Variants in MLEC observed in about 807,000 individuals in gnomAD.
The protein encoded by MLEC is oligosaccharyltransferase complex subunit (non-catalytic).
MLEC carries 7 observed loss-of-function variants against 28.7 expected under a neutral mutation model. The observed-to-expected ratio is 0.24, with a 90% CI of 0.14 to 0.46. MLEC has a LOEUF of 0.46. Ranked by LOEUF, MLEC falls within the 20% of genes least tolerant of loss-of-function variation. The pLI is 0.99. For missense variants in MLEC, 237 were observed against 391.1 expected (o/e 0.61, Z 3.32); for synonymous variants, 142 against 164.4 (o/e 0.86, Z 1.04).
At position 120,696,441 on chromosome 12, in the gene MLEC, C is replaced by T. The variant is rs372407878; in HGVS notation, c.775C>T (p.Arg259Cys). ...TAAGAACCGGGTGCAGTCAGGCCCC[C>T]GCACACCCAACCCCTATGCCTCGGA... ...TNKNRVQSGPRTPNPYASDNS... is the reference protein window; with the variant it reads ...TNKNRVQSGPCTPNPYASDNS... Residue 259 changes from arginine (R) to cysteine (C), a missense_variant, in exon 5 of 5, where the codon CGC (arginine) becomes TGC (cysteine). By Grantham distance (180) the Arg-to-Cys change is radical. Transcript: ENST00000228506. This position sits in a 1 kb window ranked among gnomAD's most constrained non-coding sequence, Gnocchi z 5.4. 8 of 1,614,138 alleles carry T rather than the reference C, an allele frequency of 5.0e-6. No individual in the cohort carries two copies. Among genetic ancestry groups the T allele is most frequent in the Non-Finnish European group, 5.9e-6 (7 of 1,180,018 alleles).
intron 1 of MLEC, 103 bp from the exon 2 acceptor site, chr12:120,693,988 G>A (rs1311887831): frequency 1.8e-6 from 2 of 1,098,274 alleles, no homozygotes; most frequent in South Asian, 3.2e-5. Context: ...TTATGGAGAG[G>A]GTTATTAGCA....
chr12:120,692,958 C>T (rs1377730574), intron 1 of MLEC, among the ~76,000 whole-genome samples: 2 of 152,034 alleles, frequency 1.3e-5, no homozygotes, highest in South Asian at 2.1e-4. Flanking sequence ...CGGTGGCTCA[C>T]GCCTGTAATC....
chr12:120,694,392 AG>A lies in MLEC; in HGVS notation c.414+124del. 2 of 1,015,434 alleles carry A rather than the reference AG, an allele frequency of 2.0e-6. No homozygotes were observed. Among genetic ancestry groups the A allele is most frequent in the Non-Finnish European group, 2.9e-6 (2 of 699,034 alleles). 62.9% of individuals were successfully genotyped at this position (1,015,434 alleles called of 1,614,324 possible). Reference sequence around the variant, plus strand: ...AGGCAGAACAGATGAGCTCTAGAGAAGCATGTTCCATAGTGCACAAGGCTGC... The same window carrying A: ...AGGCAGAACAGATGAGCTCTAGAGAACATGTTCCATAGTGCACAAGGCTGC... On this transcript the variant is annotated intron_variant, in intron 2 of 4. Transcript: ENST00000228506. This position sits in a 1 kb window ranked among gnomAD's most constrained non-coding sequence, Gnocchi z 4.5.
Position 120,694,076 on chromosome 12 carries a change from G to T in MLEC, c.236-15G>T. 1 of 1,608,578 alleles carries T rather than the reference G, an allele frequency of 6.2e-7. No individual in the cohort carries two copies. The highest frequency in any genetic ancestry group is 8.5e-7 in the Non-Finnish European group (1 of 1,176,754). On this transcript the variant is annotated splice_polypyrimidine_tract_variant and intron_variant, in intron 1 of 4. Transcript: ENST00000228506. The surrounding 1 kb of genome is among the most constrained non-coding windows in gnomAD (Gnocchi z 4.5). ...CTTGCCTCTGATGTGCTTTCTCTTT[G>T]TCTTTTGTCCTCAGCCTCAGACTAT...
rs751499180 is a variant in MLEC at position 120,694,853 on chromosome 12, C to T, written c.444C>T (p.Val148=). Residue 148 remains valine, a synonymous_variant, in exon 3 of 5, where the codon GTC becomes GTT. Coordinates refer to ENST00000228506, the MANE Select transcript of MLEC (RefSeq NM_014730.4). The surrounding 1 kb of genome is among the most constrained non-coding windows in gnomAD (Gnocchi z 4.5). The part of the protein sequence containing the change: ...KVFDVRLNGH[V]VVKDLDIFDR... The stretch of plus-strand genomic sequence containing the variant: ...TTGATGTACGATTGAATGGCCACGT[C>T]GTGGTGAAGGACTTGGATATCTTTG... The T allele has an allele frequency of 4.1e-5, 66 of 1,613,436 alleles. 1 individual carries two copies. In the South Asian group the frequency reaches 6.6e-4, roughly 16 times the overall value.
In MLEC at chr12:120,701,031, C is replaced by T. The variant is rs1053524397; in HGVS notation, c.*4486C>T. 1 of 152,210 alleles carries T rather than the reference C, an allele frequency of 6.6e-6. No individual in the cohort carries two copies. The highest frequency in any genetic ancestry group is 2.4e-5 in the African/African-American group (1 of 41,434). The allele number at this position is 152,210 out of a possible 1,614,324, so 9.4% of individuals were successfully genotyped here. On this transcript the variant is annotated 3_prime_UTR_variant, in exon 5 of 5. Coordinates refer to ENST00000228506, the MANE Select transcript of MLEC (RefSeq NM_014730.4). The surrounding 1 kb of genome is among the most constrained non-coding windows in gnomAD (Gnocchi z 4.0). Reference sequence around the variant, plus strand: ...CAAGGAGCCAGGATTGTGCTGGCAGCCAAGGAAACAGTAGTGCCTGTTTGA... The same window carrying T: ...CAAGGAGCCAGGATTGTGCTGGCAGTCAAGGAAACAGTAGTGCCTGTTTGA...
At chr12:120,688,962 G>T (rs983404340) in intron 1 of MLEC, among the ~76,000 whole-genome samples, 3 of 152,224 alleles carry the variant, frequency 2.0e-5, no homozygotes, top group Non-Finnish European at 4.4e-5. Flanking sequence ...TCACGAGTGT[G>T]GGCAGGGAGG....
intron 1 of MLEC, among the ~76,000 whole-genome samples, chr12:120,688,644 T>G (rs1881919471): frequency 6.6e-6 from 1 of 152,266 alleles, no homozygotes; most frequent in African/African-American, 2.4e-5. Context: ...ATTCTTTTTC[T>G]GCGATGCCCA....
Position 120,694,790 on chromosome 12 carries a change from G to C in MLEC, c.415-34G>C. On this transcript the variant is annotated intron_variant, in intron 2 of 4. Transcript: ENST00000228506. The surrounding 1 kb of genome is among the most constrained non-coding windows in gnomAD (Gnocchi z 4.5). The stretch of plus-strand genomic sequence containing the variant: ...TGCTTGAAAGGATGTAAAGCTGATG[G>C]TTTTGACATTGTTTTCTTTTCTTAT... 3 of 1,582,106 alleles carry C rather than the reference G, an allele frequency of 1.9e-6. No individual in the cohort carries two copies. The highest frequency in any genetic ancestry group is 1.1e-5 in the South Asian group (1 of 86,996).
At position 120,697,400 on chromosome 12, in the gene MLEC, G is replaced by C. The variant is rs1882281744; in HGVS notation, c.*855G>C. Reference sequence around the variant, plus strand: ...TAAGTTATAGCCAAGAAGGGAAGGAGACACGGGGATTTGGGGTTCTCTGCT... The same window carrying C: ...TAAGTTATAGCCAAGAAGGGAAGGACACACGGGGATTTGGGGTTCTCTGCT... On this transcript the variant is annotated 3_prime_UTR_variant, in exon 5 of 5. Transcript: ENST00000228506. The surrounding 1 kb of genome is among the most constrained non-coding windows in gnomAD (Gnocchi z 4.8). The C allele has an allele frequency of 6.6e-6, 1 of 152,656 alleles. No individual in the cohort carries two copies. The highest frequency in any genetic ancestry group is 2.1e-4 in the South Asian group (1 of 4,816). 9.5% of individuals were successfully genotyped at this position (152,656 alleles called of 1,614,324 possible).
At chr12:120,695,623 TG>T (rs1175954536) in intron 4 of MLEC, among the ~76,000 whole-genome samples, 1 of 152,244 alleles carries the variant, frequency 6.6e-6, no homozygotes, top group Non-Finnish European at 1.5e-5. Flanking sequence ...TCCTTATCCT[TG>T]GGATCAAGTC....
rs1881875930 is a variant in MLEC, at chr12:120,687,610, G to T, written c.235+79G>T. On this transcript the variant is annotated intron_variant, in intron 1 of 4. Transcript: ENST00000228506. The surrounding 1 kb of genome is among the most constrained non-coding windows in gnomAD (Gnocchi z 8.1). ...GCCGGCCGGGGGCTGCGGGCCCCGAGCCCCTTTCGACCCTGGGGCCGCGTC... is the reference window on the plus strand; with the variant it reads ...GCCGGCCGGGGGCTGCGGGCCCCGATCCCCTTTCGACCCTGGGGCCGCGTC... The T allele has an allele frequency of 3.4e-6, 4 of 1,193,034 alleles. No homozygotes were observed. The highest frequency in any genetic ancestry group is 1.9e-5 in the South Asian group (1 of 53,390). The allele number at this position is 1,193,034 out of a possible 1,614,324, so 73.9% of individuals were successfully genotyped here. A position where few individuals can be genotyped will look rare whatever the true frequency, so the allele number is the denominator to read the frequency against.
chr12:120,695,211 C>T, intron 4 of MLEC, 59 bp downstream of exon 4: 1 of 1,581,888 alleles, frequency 6.3e-7, no homozygotes, highest in Admixed American at 1.7e-5. Context: ...TTGAGGAAGC[C>T]CTTGGGAGGT....
rs779155364 is a variant in MLEC at position 120,696,341 on chromosome 12, G to A, written c.675G>A (p.Pro225=). 110 of 1,613,890 alleles carry A rather than the reference G, an allele frequency of 6.8e-5. No homozygotes were observed. In the Admixed American group the frequency reaches 1.4e-3, roughly 21 times the overall value. ...VDDVPKLQPH[P]GLEKKEEEEE... ...ATGTACCAAAGCTTCAGCCTCATCC[G>A]GGATTGGAGAAGAAAGAAGAGGAAG... The change falls in exon 5 of 5, where the codon CCG becomes CCA. Residue 225 remains proline, a synonymous_variant. Coordinates refer to ENST00000228506, the MANE Select transcript of MLEC (RefSeq NM_014730.4). The surrounding 1 kb of genome is among the most constrained non-coding windows in gnomAD (Gnocchi z 5.4).
At chr12:120,688,889 G>A (rs1334356788) in intron 1 of MLEC, among the ~76,000 whole-genome samples, 1 of 152,212 alleles carries the variant, frequency 6.6e-6, no homozygotes, top group East Asian at 1.9e-4. Context: ...GGTAACAGCA[G>A]CCAAAGCCAG....
chr12:120,687,589 G>A lies in MLEC; in HGVS notation c.235+58G>A. On this transcript the variant is annotated intron_variant, in intron 1 of 4. Coordinates refer to ENST00000228506, the MANE Select transcript of MLEC (RefSeq NM_014730.4). The surrounding 1 kb of genome is among the most constrained non-coding windows in gnomAD (Gnocchi z 8.1). ...GGGCCTGCTGTGCTGGGCGCAGCCG[G>A]CCGGGGGCTGCGGGCCCCGAGCCCC... 1.5e-6 allele frequency: 2 copies of A among 1,341,728 alleles called. No homozygotes were observed. The highest frequency in any genetic ancestry group is 2.6e-4 in the Middle Eastern group (1 of 3,842). The allele number at this position is 1,341,728 out of a possible 1,614,324, so 83.1% of individuals were successfully genotyped here. A position where few individuals can be genotyped will look rare whatever the true frequency, so the allele number is the denominator to read the frequency against.
chr12:120,691,926 G>A (rs773059376), intron 1 of MLEC, among the ~76,000 whole-genome samples: 1 of 152,140 alleles, frequency 6.6e-6, no homozygotes, highest in Non-Finnish European at 1.5e-5. Context: ...TTGGGAGGCC[G>A]ATGCGGGCAG....
intron 1 of MLEC, among the ~76,000 whole-genome samples, chr12:120,690,116 A>G (rs926029430): frequency 6.6e-6 from 1 of 152,080 alleles, no homozygotes; most frequent in East Asian, 1.9e-4. Flanking sequence ...AGAAGCGTTC[A>G]CCTTGGGGTT....
intron 1 of MLEC, among the ~76,000 whole-genome samples, chr12:120,692,695 T>C (rs1411100416): frequency 6.7e-6 from 1 of 149,772 alleles, no homozygotes; most frequent in South Asian, 2.1e-4. Flanking sequence ...TCCCAAAGGA[T>C]CTAGTTGCCA....
Sources: gnomAD v4.1 joint callset for allele counts (sites outside exome capture counted in the v4.1 genomes callset) on GRCh38, gnomAD v4.1.1 for gene constraint, Gnocchi (gnomAD v3.1) non-coding constraint, MANE v1.5 for transcripts, NCBI Gene and HGNC (gene_info 2026-07-23, HGNC 2026-07-21) for gene names.